CTNNA2: variants seen among roughly 807,000 people sequenced by gnomAD.
CTNNA2 encodes the protein catenin alpha 2, also known as catenin alpha-2.
Under a neutral mutation model 101.0 loss-of-function variants are expected in CTNNA2, and 42 were observed. The ratio of observed to expected loss-of-function variants is 0.42; its 90% confidence interval spans 0.32 to 0.54. CTNNA2 has a LOEUF of 0.54. Ranked by LOEUF, CTNNA2 falls within the 20% of genes least tolerant of loss-of-function variation. CTNNA2 has a pLI of 0.14. For synonymous variants in CTNNA2, 450 were observed against 456.4 expected (o/e 0.99, Z 0.18); for missense variants, 871 against 1,223.1 (o/e 0.71, Z 4.29).
chr2:80,466,927 A>T (rs1378412362), intron 9 of CTNNA2, among the ~76,000 whole-genome samples: 1 of 152,226 alleles, frequency 6.6e-6, no homozygotes, highest in South Asian at 2.1e-4. Context: ...AGTGAATTTC[A>T]TGGGCTGTAC....
At chr2:79,405,320 G>C (rs764134393) in intron 4 of CTNNA2, among the ~76,000 whole-genome samples, 1 of 151,896 alleles carries the variant, frequency 6.6e-6, no homozygotes, top group African/African-American at 2.4e-5. Flanking sequence ...CTGACAATTT[G>C]TTTTTATTTT....
At chr2:79,822,547 T>C in intron 3 of CTNNA2, among the ~76,000 whole-genome samples, 1 of 152,186 alleles carries the variant, frequency 6.6e-6, no homozygotes, top group Non-Finnish European at 1.5e-5. Flanking sequence ...CCTTCTCCTT[T>C]GCCTCTGATT....
chr2:79,769,327 G>A (rs1007897698), intron 3 of CTNNA2, among the ~76,000 whole-genome samples: 1 of 152,148 alleles, frequency 6.6e-6, no homozygotes, highest in Non-Finnish European at 1.5e-5. Context: ...CTTAATCAAT[G>A]CATTTTCCTT....
chr2:80,137,028 C>T (rs570556375), intron 7 of CTNNA2, among the ~76,000 whole-genome samples: 1 of 152,232 alleles, frequency 6.6e-6, no homozygotes, highest in African/African-American at 2.4e-5. Context: ...GTGATGTGCT[C>T]CAAGCACAGG....
chr2:79,580,805 G>C (rs1194672807), intron 1 of CTNNA2, among the ~76,000 whole-genome samples: 1 of 152,128 alleles, frequency 6.6e-6, no homozygotes, highest in Non-Finnish European at 1.5e-5. Flanking sequence ...CATTTTCCTA[G>C]AGTAGTATTT....
At chr2:80,164,950 T>TGTTTTTTTTG (rs59984769) in intron 7 of CTNNA2, among the ~76,000 whole-genome samples, 1 of 148,784 alleles carries the variant, frequency 6.7e-6, no homozygotes, top group African/African-American at 2.5e-5. Context: ...TTTTTTTTTT[T>TGTTTTTTTTG]TTTTTTTCTA....
At chr2:80,485,198 C>T (rs1686475466) in intron 9 of CTNNA2, among the ~76,000 whole-genome samples, 1 of 152,038 alleles carries the variant, frequency 6.6e-6, no homozygotes, top group African/African-American at 2.4e-5. Context: ...GTCAAACTAA[C>T]TTCTGTGAAA....
intron 2 of CTNNA2, among the ~76,000 whole-genome samples, chr2:79,663,279 G>A (rs2861856): frequency 0.053 from 8,009 of 152,020 alleles, 303 homozygotes; most frequent in Non-Finnish European, 0.072. Flanking sequence ...TTCTCTATTC[G>A]GCAACCAGAG....
intron 7 of CTNNA2, among the ~76,000 whole-genome samples, chr2:80,055,708 C>T (rs1453250456): frequency 1.3e-5 from 2 of 152,102 alleles, no homozygotes; most frequent in East Asian, 1.9e-4. Flanking sequence ...CCAGTCTTAA[C>T]CACTCATCAG....
At chr2:79,684,091 A>T (rs1683768441) in intron 2 of CTNNA2, among the ~76,000 whole-genome samples, 1 of 152,254 alleles carries the variant, frequency 6.6e-6, no homozygotes, top group Middle Eastern at 3.4e-3. Flanking sequence ...GTAGTGAAAA[A>T]ATGGAGCCAG....
chr2:79,259,017 A>G (rs1490420477), intron 2 of CTNNA2, among the ~76,000 whole-genome samples: 1 of 152,140 alleles, frequency 6.6e-6, no homozygotes, highest in Non-Finnish European at 1.5e-5. Context: ...CTAAGAGCTT[A>G]TTGGCCGATT....
In CTNNA2 at chr2:80,622,701, C is replaced by T. The variant is rs76665475; in HGVS notation, c.2574+3473C>T. 1.5e-4 allele frequency among the ~76,000 whole-genome samples: 23 copies of T among 151,922 alleles called. No homozygotes were observed. In the East Asian group the frequency reaches 2.9e-3, roughly 19 times the overall value. ...TTGCTGTAGACTTGCAGAAGATTTG[C>T]GGTGGATATTTTGCCTCACGTAGGG... is the stretch of plus-strand genomic sequence containing the variant. On this transcript the variant is annotated intron_variant, in intron 18 of 18. Coordinates refer to ENST00000402739, the MANE Select transcript of CTNNA2 (RefSeq NM_001282597.3).
intron 7 of CTNNA2, among the ~76,000 whole-genome samples, chr2:80,287,321 G>A (rs918625503): frequency 3.9e-5 from 6 of 152,226 alleles, no homozygotes; most frequent in East Asian, 3.9e-4. Flanking sequence ...CCCCCCTCCC[G>A]TGATACCTTA....
At chr2:79,888,931 C>T (rs72918643) in intron 6 of CTNNA2, among the ~76,000 whole-genome samples, 6,685 of 152,096 alleles carry the variant, frequency 0.044, 478 homozygotes, top group African/African-American at 0.15. Flanking sequence ...CCAAATAAGG[C>T]CACTTATCTA....
chr2:79,401,767 T>G (rs2104481474), intron 4 of CTNNA2, among the ~76,000 whole-genome samples: 1 of 151,702 alleles, frequency 6.6e-6, no homozygotes, highest in Non-Finnish European at 1.5e-5. Flanking sequence ...TATCCATAAT[T>G]AAGTTAAAAG....
At chr2:80,624,361 A>G (rs1348008899) in intron 18 of CTNNA2, among the ~76,000 whole-genome samples, 1 of 152,048 alleles carries the variant, frequency 6.6e-6, no homozygotes, top group Non-Finnish European at 1.5e-5. Context: ...GTTTAAATCA[A>G]TAGTCACTTA....
chr2:79,718,857 T>C (rs183792580), intron 2 of CTNNA2, among the ~76,000 whole-genome samples: 2 of 151,932 alleles, frequency 1.3e-5, no homozygotes, highest in Admixed American at 6.6e-5. Context: ...GTGGTGATTG[T>C]TGTTTGACCT....
In CTNNA2 at chr2:79,327,145, A is replaced by C. The variant is rs1440186133; in HGVS notation, c.-318+14349A>C. Among the ~76,000 whole-genome samples, 30 of 152,186 alleles carry C rather than the reference A, an allele frequency of 2.0e-4. 1 individual carries two copies. Among genetic ancestry groups the C allele is most frequent in the Admixed American group, 2.0e-3 (30 of 15,282 alleles). ...AATTTCAGGGAAGAAATATAACTCT[A>C]CTATCTTTGGTAGCCTGTCTTAGAT... On this transcript the variant is annotated intron_variant, in intron 3 of 21. Transcript: ENST00000466387.
Position 79,445,741 on chromosome 2 carries a change from T to C in CTNNA2, c.-134-59313T>C, listed in dbSNP as rs117449580. Among the ~76,000 whole-genome samples the C allele has an allele frequency of 1.1e-3, 165 of 152,214 alleles. 4 individuals are homozygous for C. In the East Asian group the frequency reaches 0.029, roughly 26 times the overall value. ...TTGCCCATGATTGTACCTGCCCCCATAGCCCCTTTCACAACTCCTGTGTGC... is the reference window on the plus strand; with the variant it reads ...TTGCCCATGATTGTACCTGCCCCCACAGCCCCTTTCACAACTCCTGTGTGC... On this transcript the variant is annotated intron_variant, in intron 4 of 21. Transcript: ENST00000466387.
Sources: gnomAD v4.1 joint callset for allele counts (sites outside exome capture counted in the v4.1 genomes callset) on GRCh38, gnomAD v4.1.1 for gene constraint, MANE v1.5 for transcripts, NCBI Gene and HGNC (gene_info 2026-07-23, HGNC 2026-07-21) for gene names.